NRXN1: variants seen among roughly 807,000 people sequenced by gnomAD.
NRXN1 encodes the protein neurexin 1.
A neutral mutation model predicts 150.9 loss-of-function variants in NRXN1; 39 were observed. The observed-to-expected ratio is 0.26, with a 90% CI of 0.20 to 0.34. NRXN1 has a LOEUF of 0.34. Ranked by LOEUF, NRXN1 falls within the 10% of genes least tolerant of loss-of-function variation. The pLI is 1.00. For missense variants in NRXN1, 1,815 were observed against 1,949.9 expected (o/e 0.93, Z 1.30); for synonymous variants, 924 against 757.0 (o/e 1.22, Z -3.62).
chr2:50,899,320 G>A (rs961683078), intron 5 of NRXN1, among the ~76,000 whole-genome samples: 4 of 152,142 alleles, frequency 2.6e-5, no homozygotes, highest in African/African-American at 9.7e-5. Flanking sequence ...AGATAAAACT[G>A]GTTGCAGAAG....
intron 15 of NRXN1, among the ~76,000 whole-genome samples, chr2:50,472,724 T>C (rs1370500754): frequency 6.6e-6 from 1 of 151,652 alleles, no homozygotes; most frequent in Non-Finnish European, 1.5e-5. Context: ...ATTGAAGGAA[T>C]GTGGGCTAGC....
rs1271277161 is a variant in NRXN1 at position 50,374,310 on chromosome 2, T to TAAAC, written c.3364+91131_3364+91132insGTTT. On this transcript the variant is annotated intron_variant, in intron 17 of 22. Coordinates refer to ENST00000401669, the MANE Select transcript of NRXN1 (RefSeq NM_001330078.2). ...TGTCTCAAGAAAATAAATAAATAAA[T>TAAAC]AAATAAATAAATAAATAAATAAATA... Among the ~76,000 whole-genome samples, 6 of 149,212 alleles carry TAAAC rather than the reference T, an allele frequency of 4.0e-5. No homozygotes were observed. The East Asian group carries it at 1.2e-3, about 29-fold the overall frequency.
At chr2:50,406,334 A>G (rs772874551) in intron 17 of NRXN1, among the ~76,000 whole-genome samples, 10 of 152,188 alleles carry the variant, frequency 6.6e-5, no homozygotes, top group African/African-American at 1.4e-4. Flanking sequence ...TAACCCCTTA[A>G]AGAAAAACAT....
intron 17 of NRXN1, among the ~76,000 whole-genome samples, chr2:50,391,014 T>A (rs574484337): frequency 6.6e-6 from 1 of 152,274 alleles, no homozygotes; most frequent in South Asian, 2.1e-4. Context: ...TTTATTCTAA[T>A]ATGCTCTGGA....
intron 21 of NRXN1, among the ~76,000 whole-genome samples, chr2:49,979,959 T>C (rs1050501188): frequency 2.0e-5 from 3 of 151,802 alleles, no homozygotes; most frequent in African/African-American, 7.3e-5. Context: ...TTACTCTGGT[T>C]GTTTATCTAG....
chr2:50,123,016 TA>T (rs1182858647), intron 18 of NRXN1, among the ~76,000 whole-genome samples: 1 of 152,212 alleles, frequency 6.6e-6, no homozygotes, highest in African/African-American at 2.4e-5. Context: ...GTATCTATAA[TA>T]CTCAATTTAT....
intron 17 of NRXN1, among the ~76,000 whole-genome samples, chr2:50,246,026 T>G (rs1455976353): frequency 6.6e-6 from 1 of 151,954 alleles, no homozygotes; most frequent in East Asian, 1.9e-4. Flanking sequence ...ATTTTAGAGT[T>G]TTTCTAATGA....
At chr2:50,343,869 C>T (rs186168219) in intron 17 of NRXN1, among the ~76,000 whole-genome samples, 6 of 152,280 alleles carry the variant, frequency 3.9e-5, no homozygotes, top group South Asian at 4.1e-4. Context: ...AAATGTCTTA[C>T]GATTCACAGA....
At chr2:50,961,258 C>A (rs983941853) in intron 2 of NRXN1, among the ~76,000 whole-genome samples, 1 of 151,810 alleles carries the variant, frequency 6.6e-6, no homozygotes, top group Non-Finnish European at 1.5e-5. Context: ...ACTGGGAAAT[C>A]TTGTTAAAAT....
At chr2:50,204,824 C>CA (rs1452700763) in intron 18 of NRXN1, among the ~76,000 whole-genome samples, 2 of 151,072 alleles carry the variant, frequency 1.3e-5, no homozygotes, top group Non-Finnish European at 3.0e-5. Flanking sequence ...TCTGGCATAC[C>CA]AAAAAAAATC....
At chr2:50,440,900 T>C (rs2085893728) in intron 17 of NRXN1, among the ~76,000 whole-genome samples, 1 of 152,184 alleles carries the variant, frequency 6.6e-6, no homozygotes, top group Non-Finnish European at 1.5e-5. Context: ...AGTCCATCCA[T>C]TGTGACACAG....
chr2:50,419,215 A>G (rs1324182167), intron 17 of NRXN1, among the ~76,000 whole-genome samples: 1 of 152,146 alleles, frequency 6.6e-6, no homozygotes, highest in Non-Finnish European at 1.5e-5. Flanking sequence ...TGCAGGCTTA[A>G]ATAAATAGTA....
chr2:50,484,966 C>T (rs1178556922), intron 15 of NRXN1, among the ~76,000 whole-genome samples: 7 of 152,254 alleles, frequency 4.6e-5, no homozygotes, highest in African/African-American at 1.7e-4. Context: ...GTAATCCTTT[C>T]AAATATTTTG....
At chr2:50,707,003 A>T (rs1206967355) in intron 5 of NRXN1, among the ~76,000 whole-genome samples, 2 of 152,078 alleles carry the variant, frequency 1.3e-5, no homozygotes, top group Non-Finnish European at 2.9e-5. Context: ...CATGGTTTAG[A>T]TGGGTTTAAA....
At chr2:49,955,539 T>C (rs1465164888) in intron 21 of NRXN1, among the ~76,000 whole-genome samples, 1 of 152,072 alleles carries the variant, frequency 6.6e-6, no homozygotes, top group African/African-American at 2.4e-5. Context: ...ATTCCTGTCC[T>C]TTGAGAAAGC....
At chr2:50,629,361 T>C (rs1681810388) in intron 5 of NRXN1, among the ~76,000 whole-genome samples, 1 of 151,566 alleles carries the variant, frequency 6.6e-6, no homozygotes, top group Admixed American at 6.6e-5. Flanking sequence ...AAAAAATGCC[T>C]GACACAAAAG....
intron 9 of NRXN1, among the ~76,000 whole-genome samples, chr2:50,549,483 T>C (rs1357922780): frequency 6.6e-6 from 1 of 152,154 alleles, no homozygotes; most frequent in Non-Finnish European, 1.5e-5. Flanking sequence ...AAAAGTACTT[T>C]ACCATCACAA....
At chr2:50,299,777 C>T (rs560734) in intron 17 of NRXN1, among the ~76,000 whole-genome samples, 129,756 of 152,216 alleles carry the variant, frequency 0.85, 55,415 homozygotes, top group Middle Eastern at 0.89. Flanking sequence ...CCAGTCCTTT[C>T]GAAATGGCTA....
At chr2:50,409,270 T>C (rs2082977967) in intron 17 of NRXN1, among the ~76,000 whole-genome samples, 1 of 152,222 alleles carries the variant, frequency 6.6e-6, no homozygotes, top group South Asian at 2.1e-4. Context: ...TACCCCACCC[T>C]TCGAGTTTGA....
Sources: gnomAD v4.1 joint callset for allele counts (sites outside exome capture counted in the v4.1 genomes callset) on GRCh38, gnomAD v4.1.1 for gene constraint, MANE v1.5 for transcripts, NCBI Gene and HGNC (gene_info 2026-07-23, HGNC 2026-07-21) for gene names.